Variants in NXPH1 observed in about 807,000 individuals in gnomAD.
NXPH1 encodes the protein neurexophilin-1.
A neutral mutation model predicts 23.7 loss-of-function variants in NXPH1; 5 were observed. That is an observed-to-expected ratio of 0.21 (90% CI 0.11 to 0.44). The LOEUF (loss-of-function observed/expected upper bound fraction) is 0.44, where lower values mean the gene tolerates loss of function less well. NXPH1 is among the 20% of genes least tolerant of loss of function. The probability of loss-of-function intolerance (pLI) is 0.99; values close to 1 mark genes in which losing one functional copy is unlikely to be tolerated. For missense variants in NXPH1, 324 were observed against 321.6 expected (o/e 1.01, Z -0.06); for synonymous variants, 144 against 122.2 (o/e 1.18, Z -1.18).
At chr7:8,631,127 A>G (rs182986164) in intron 2 of NXPH1, among the ~76,000 whole-genome samples, 1 of 152,282 alleles carries the variant, frequency 6.6e-6, no homozygotes, top group Non-Finnish European at 1.5e-5. Context: ...TTATGGCTGC[A>G]TAGTATTCTA....
chr7:8,489,461 T>G (rs1027272252), intron 2 of NXPH1, among the ~76,000 whole-genome samples: 3 of 152,106 alleles, frequency 2.0e-5, no homozygotes, highest in African/African-American at 7.2e-5. Context: ...TTGGGTAGTT[T>G]AGAGCTATTC....
chr7:8,482,190 T>C (rs1352589830), intron 2 of NXPH1, among the ~76,000 whole-genome samples: 2 of 152,166 alleles, frequency 1.3e-5, no homozygotes, highest in Non-Finnish European at 2.9e-5. Flanking sequence ...GGGGCTAAAT[T>C]GCAGGGAAAG....
intron 2 of NXPH1, among the ~76,000 whole-genome samples, chr7:8,690,098 T>A (rs1192350017): frequency 6.6e-6 from 1 of 152,234 alleles, no homozygotes; most frequent in Non-Finnish European, 1.5e-5. Flanking sequence ...GATTGGATTA[T>A]TTTAATAAAG....
chr7:8,476,634 A>G (rs1157743215), intron 2 of NXPH1, among the ~76,000 whole-genome samples: 1 of 152,076 alleles, frequency 6.6e-6, no homozygotes, highest in Non-Finnish European at 1.5e-5. Context: ...CTTAAATGCA[A>G]TGCTATACAT....
At chr7:8,697,861 G>A (rs1412365814) in intron 2 of NXPH1, among the ~76,000 whole-genome samples, 2 of 152,324 alleles carry the variant, frequency 1.3e-5, no homozygotes, top group East Asian at 3.9e-4. Flanking sequence ...TGTTTGGAGA[G>A]TGGAGCAAGA....
chr7:8,698,911 T>C (rs1471640930), intron 2 of NXPH1, among the ~76,000 whole-genome samples: 2 of 152,156 alleles, frequency 1.3e-5, no homozygotes, highest in East Asian at 1.9e-4. Context: ...TATACCATTA[T>C]ATCAGGGTAA....
At chr7:8,739,183 A>C (rs868248610) in intron 2 of NXPH1, among the ~76,000 whole-genome samples, 1 of 115,576 alleles carries the variant, frequency 8.7e-6, no homozygotes, top group Non-Finnish European at 2.0e-5. Flanking sequence ...AAAAAAAAAA[A>C]AAAAAAAAAA....
intron 2 of NXPH1, among the ~76,000 whole-genome samples, chr7:8,476,454 A>G (rs1233893612): frequency 6.6e-6 from 1 of 150,990 alleles, no homozygotes; most frequent in Non-Finnish European, 1.5e-5. Context: ...GTTTAGACGC[A>G]ATTCATTTTT....
At chr7:8,600,902 G>A (rs1016626261) in intron 2 of NXPH1, among the ~76,000 whole-genome samples, 1 of 151,196 alleles carries the variant, frequency 6.6e-6, no homozygotes, top group East Asian at 1.9e-4. Context: ...AAAAAGTTAT[G>A]TCTGTACTGA....
chr7:8,732,187 G>A (rs1024628211), intron 2 of NXPH1, among the ~76,000 whole-genome samples: 7 of 152,336 alleles, frequency 4.6e-5, no homozygotes, highest in East Asian at 3.9e-4. Flanking sequence ...GCAATGCCTC[G>A]CCATGCTTCG....
At chr7:8,568,211 G>A (rs1818581758) in intron 2 of NXPH1, among the ~76,000 whole-genome samples, 1 of 151,872 alleles carries the variant, frequency 6.6e-6, no homozygotes, top group South Asian at 2.1e-4. Context: ...AAACCAAGAT[G>A]GTGGAATTTT....
At chr7:8,631,599 T>G (rs532358412) in intron 2 of NXPH1, among the ~76,000 whole-genome samples, 51 of 152,328 alleles carry the variant, frequency 3.3e-4, no homozygotes, top group Non-Finnish European at 6.6e-4. Flanking sequence ...ATTAGCACTT[T>G]TCAACTTTTA....
chr7:8,569,484 T>C (rs911894648), intron 2 of NXPH1, among the ~76,000 whole-genome samples: 13 of 152,084 alleles, frequency 8.5e-5, no homozygotes, highest in Admixed American at 3.3e-4. Context: ...TAGCAATACA[T>C]ACTGATAAAC....
chr7:8,693,178 A>C (rs188566105), intron 2 of NXPH1, among the ~76,000 whole-genome samples: 48 of 152,222 alleles, frequency 3.2e-4, no homozygotes, highest in Non-Finnish European at 6.2e-4. Context: ...CCCGCCGCCA[A>C]AACAAAAACA....
At chr7:8,510,070 A>AT (rs1817588481) in intron 2 of NXPH1, among the ~76,000 whole-genome samples, 1 of 152,246 alleles carries the variant, frequency 6.6e-6, no homozygotes, top group Non-Finnish European at 1.5e-5. Context: ...GCACCCTGAC[A>AT]TGCTGACTAT....
At chr7:8,703,856 ATTTCACCTGG>A (rs1253139635) in intron 2 of NXPH1, among the ~76,000 whole-genome samples, 5 of 151,994 alleles carry the variant, frequency 3.3e-5, no homozygotes, top group African/African-American at 1.2e-4. Flanking sequence ...TTGTTCAATT[ATTTCACCTGG>A]GGAACTTGCA....
At chr7:8,620,188 T>C (rs993617551) in intron 2 of NXPH1, among the ~76,000 whole-genome samples, 7 of 152,116 alleles carry the variant, frequency 4.6e-5, no homozygotes, top group African/African-American at 1.7e-4. Context: ...TTCTAACATA[T>C]AATGGAAAAA....
At chr7:8,654,891 G>A (rs1820548079) in intron 2 of NXPH1, among the ~76,000 whole-genome samples, 1 of 152,156 alleles carries the variant, frequency 6.6e-6, no homozygotes. Flanking sequence ...CTTCCTGGGG[G>A]TAAAGAGAGA....
At chr7:8,534,401 T>C (rs1817996102) in intron 2 of NXPH1, among the ~76,000 whole-genome samples, 1 of 152,064 alleles carries the variant, frequency 6.6e-6, no homozygotes, top group South Asian at 2.1e-4. Context: ...AACGTTTGGG[T>C]ATAAAGAAAT....
Sources: gnomAD v4.1 joint callset for allele counts (sites outside exome capture counted in the v4.1 genomes callset) on GRCh38, gnomAD v4.1.1 for gene constraint, MANE v1.5 for transcripts, NCBI Gene and HGNC (gene_info 2026-07-23, HGNC 2026-07-21) for gene names.